The following SLC16A5 variants were observed in gnomAD, a reference collection of about 807,000 sequenced individuals.
The protein encoded by SLC16A5 is solute carrier family 16 member 5.
In SLC16A5, 29 loss-of-function variants were observed where a neutral mutation model predicts 33.2. That is an observed-to-expected ratio of 0.87 (90% CI 0.65 to 1.19). SLC16A5 has a LOEUF of 1.19. Among genes scored for constraint, SLC16A5 ranks in the 50% most tolerant of loss-of-function variants. The probability of loss-of-function intolerance (pLI) is 0.00; values close to 1 mark genes in which losing one functional copy is unlikely to be tolerated. For missense variants in SLC16A5, 606 were observed against 678.2 expected (o/e 0.89, Z 1.18); for synonymous variants, 248 against 284.1 (o/e 0.87, Z 1.28).
downstream of SLC16A5, among the ~76,000 whole-genome samples, chr17:75,107,316 G>C (rs527951554): frequency 2.6e-5 from 4 of 151,718 alleles, no homozygotes; most frequent in East Asian, 7.8e-4. Flanking sequence ...AAAAAAAAAA[G>C]GTATCAATGA....
intron 5 of SLC16A5, among the ~76,000 whole-genome samples, chr17:75,103,331 T>C (rs1340263047): frequency 2.3e-5 from 3 of 128,934 alleles, no homozygotes; most frequent in Admixed American, 8.0e-5. Context: ...TCCAAGGGAA[T>C]TCTTTTTTTT....
At chr17:75,093,134 T>G (rs2073665446) in intron 2 of SLC16A5, among the ~76,000 whole-genome samples, 1 of 152,098 alleles carries the variant, frequency 6.6e-6, no homozygotes, top group Non-Finnish European at 1.5e-5. Context: ...AAGTCTGTGT[T>G]TGTATGCAGG....
At position 75,096,496 on chromosome 17, in the gene SLC16A5, G is replaced by A. The variant is rs552563170; in HGVS notation, c.200-1542G>A. Among the ~76,000 whole-genome samples, 10 of 151,092 alleles carry A rather than the reference G, an allele frequency of 6.6e-5. 1 individual carries two copies. Among genetic ancestry groups the A allele is most frequent in the East Asian group, 3.9e-4 (2 of 5,154 alleles). ...CCAGCCTCTGCTTGATTATGTCTGC[G>A]ACGGGCTGCTCACTTAGTCTGTCAC... On this transcript the variant is annotated intron_variant, in intron 3 of 6. Transcript: ENST00000329783.
At chr17:75,102,439 G>A (rs2073811640) in intron 5 of SLC16A5, among the ~76,000 whole-genome samples, 1 of 152,310 alleles carries the variant, frequency 6.6e-6, no homozygotes, top group Middle Eastern at 3.4e-3. Flanking sequence ...TCCCCTGGGG[G>A]ATTACCTTCT....
rs756157919 is a variant in SLC16A5, at chr17:75,100,020, C to T, written c.357C>T (p.Cys119=). 2.5e-6 allele frequency: 4 copies of T among 1,610,882 alleles called. No individual in the cohort carries two copies. Among genetic ancestry groups the T allele is most frequent in the Admixed American group, 1.7e-5 (1 of 59,964 alleles). ...CTTGCCCCGCAGGCCTGGGCATGTG[C>T]TTCAGCTTCCAGTCAAGCATCACGG... The part of the protein sequence containing the change: ...TAGFITGLGM[C]FSFQSSITVL... The change falls in exon 5 of 7, where the codon TGC becomes TGT. Residue 119 remains cysteine, a synonymous_variant. Transcript: ENST00000329783.
At chr17:75,090,661 A>G (rs1419518985) in intron 2 of SLC16A5, among the ~76,000 whole-genome samples, 1 of 151,456 alleles carries the variant, frequency 6.6e-6, no homozygotes, top group East Asian at 2.0e-4. Flanking sequence ...GGGTTTCACT[A>G]TGTTGGCCAG....
Position 75,105,730 on chromosome 17 carries a change from T to C in SLC16A5, c.1365-150T>C, listed in dbSNP as rs562758281. 5.7e-6 allele frequency: 8 copies of C among 1,393,616 alleles called. No homozygotes were observed. In the African/African-American group the frequency reaches 7.3e-5, roughly 13 times the overall value. The allele number at this position is 1,393,616 out of a possible 1,614,324, so 86.3% of individuals were successfully genotyped here. On this transcript the variant is annotated intron_variant, in intron 6 of 6. Transcript: ENST00000329783. Reference sequence around the variant, plus strand: ...CATAAACTCTGTGAACTAATGAAGCTGACAAACAGAGCTGGAGTACGTTTC... The same window carrying C: ...CATAAACTCTGTGAACTAATGAAGCCGACAAACAGAGCTGGAGTACGTTTC...
chr17:75,100,400 T>C lies in SLC16A5; in HGVS notation c.737T>C (p.Met246Thr). ...TGYCVYILGVMWSVLGFPLPQ... is the reference protein window; with the variant it reads ...TGYCVYILGVTWSVLGFPLPQ... ...TACTGCGTGTACATACTGGGTGTGA[T>C]GTGGTCCGTCCTGGGCTTCCCACTG... Residue 246 changes from methionine (M) to threonine (T), a missense_variant, in exon 5 of 7, where the codon ATG (methionine) becomes ACG (threonine). Coordinates refer to ENST00000329783, the MANE Select transcript of SLC16A5 (RefSeq NM_004695.4). 6.2e-7 allele frequency: 1 copy of C among 1,614,250 alleles called. No homozygotes were observed. Among genetic ancestry groups the C allele is most frequent in the Non-Finnish European group, 8.5e-7 (1 of 1,180,046 alleles).
intron 2 of SLC16A5, chr17:75,093,330 C>A: frequency 7.3e-7 from 1 of 1,374,596 alleles, no homozygotes; most frequent in South Asian, 1.3e-5. Context: ...TGCCCTGCCC[C>A]GTCCTGTCCC....
chr17:75,108,584 CAGAG>C (rs1483490028), downstream of SLC16A5, among the ~76,000 whole-genome samples: 4 of 149,020 alleles, frequency 2.7e-5, no homozygotes, highest in African/African-American at 9.7e-5. Context: ...GCCTAAATAA[CAGAG>C]AGGCTCTCTC....
In SLC16A5 at chr17:75,099,933, C is replaced by T. The variant is rs1012314502; in HGVS notation, c.344-74C>T. 8.6e-6 allele frequency: 12 copies of T among 1,393,372 alleles called. No individual in the cohort carries two copies. The African/African-American group carries it at 1.4e-4, about 17-fold the overall frequency. 86.3% of individuals were successfully genotyped at this position (1,393,372 alleles called of 1,614,324 possible). A position where few individuals can be genotyped will look rare whatever the true frequency, so the allele number is the denominator to read the frequency against. On this transcript the variant is annotated intron_variant, in intron 4 of 6. Coordinates refer to ENST00000329783, the MANE Select transcript of SLC16A5 (RefSeq NM_004695.4). The stretch of plus-strand genomic sequence containing the variant: ...GAGGAGGGCAGGTGTGTGAAATGAC[C>T]ACTGACCCCACCCCTGGGTGCAGGT...
Position 75,100,073 on chromosome 17 carries a change from G to A in SLC16A5, c.410G>A (p.Arg137Gln), listed in dbSNP as rs138681504. ...CTGGGCTTCTACTTTGTCCGCCGGC[G>A]GGTGCTGGCCAACGCGCTGGCCTCG... ...TVLGFYFVRR[R>Q]VLANALASMG... Residue 137 changes from arginine (R) to glutamine (Q), a missense_variant, in exon 5 of 7, where the codon CGG (arginine) becomes CAG (glutamine). Coordinates refer to ENST00000329783, the MANE Select transcript of SLC16A5 (RefSeq NM_004695.4). 3.3e-4 allele frequency: 530 copies of A among 1,613,614 alleles called. 1 individual carries two copies. The highest frequency in any genetic ancestry group is 4.3e-4 in the Non-Finnish European group (509 of 1,179,996).
intron 3 of SLC16A5, among the ~76,000 whole-genome samples, chr17:75,096,182 T>C (rs1000429543): frequency 6.6e-6 from 1 of 151,826 alleles, no homozygotes; most frequent in Non-Finnish European, 1.5e-5. Context: ...TGCCCCTACC[T>C]ACGCCTTTTA....
rs763829540 is a variant in SLC16A5 at position 75,100,729 on chromosome 17, A to G, written c.1066A>G (p.Ile356Val). Reference sequence around the variant, plus strand: ...CCTCATCTTCCAGGTTCTCATGGACATCGTCCCCATGGATCAGTTCCCCAG... The same window carrying G: ...CCTCATCTTCCAGGTTCTCATGGACGTCGTCCCCATGGATCAGTTCCCCAG... ...GALIFQVLMD[I>V]VPMDQFPRAL... The change falls in exon 5 of 7, where the codon ATC becomes GTC. Residue 356 changes from isoleucine to valine, a missense_variant. Ile to Val is a conservative substitution (Grantham distance 29). Transcript: ENST00000329783. The G allele has an allele frequency of 2.2e-5, 35 of 1,614,004 alleles. No individual in the cohort carries two copies. The East Asian group carries it at 4.5e-4, about 21-fold the overall frequency.
chr17:75,088,402 C>T (rs899946524), intron 1 of SLC16A5, among the ~76,000 whole-genome samples: 3 of 152,204 alleles, frequency 2.0e-5, no homozygotes, highest in African/African-American at 7.2e-5. Context: ...GAGAGTACGG[C>T]ATGAGGTCCC....
chr17:75,100,098 G>A lies in SLC16A5; in HGVS notation c.435G>A (p.Ser145=), dbSNP rs780113857. ...RRRVLANALA[S]MGVSLGITLW... ...GGGTGCTGGCCAACGCGCTGGCCTCGATGGGCGTCTCCCTGGGCATCACCC... is the reference window on the plus strand; with the variant it reads ...GGGTGCTGGCCAACGCGCTGGCCTCAATGGGCGTCTCCCTGGGCATCACCC... Residue 145 remains serine, a synonymous_variant, in exon 5 of 7, where the codon TCG becomes TCA. Coordinates refer to ENST00000329783, the MANE Select transcript of SLC16A5 (RefSeq NM_004695.4). 5.7e-5 allele frequency: 92 copies of A among 1,613,906 alleles called. No homozygotes were observed. The highest frequency in any genetic ancestry group is 1.6e-4 in the Middle Eastern group (1 of 6,084).
At chr17:75,097,970 C>T (rs2073741626) in intron 3 of SLC16A5, 68 bp from the exon 4 acceptor site, 1 of 1,499,074 alleles carries the variant, frequency 6.7e-7, no homozygotes, top group African/African-American at 1.7e-5. Context: ...CTGCCCTCTC[C>T]AGCCACTCTC....
intron 6 of SLC16A5, 192 bp from the exon 7 acceptor site, chr17:75,105,688 T>C: frequency 6.1e-6 from 6 of 985,400 alleles, no homozygotes; most frequent in Non-Finnish European, 7.2e-6. Context: ...CACACAAAAA[T>C]GTTCCCTGCA....
intron 5 of SLC16A5, among the ~76,000 whole-genome samples, chr17:75,101,907 T>C (rs564000981): frequency 1.4e-3 from 206 of 152,192 alleles, no homozygotes; most frequent in African/African-American, 4.8e-3. Flanking sequence ...AGTGCTGGGA[T>C]TACAGGTGTG....
Sources: gnomAD v4.1 joint callset for allele counts (sites outside exome capture counted in the v4.1 genomes callset) on GRCh38, gnomAD v4.1.1 for gene constraint, MANE v1.5 for transcripts, NCBI Gene and HGNC (gene_info 2026-07-23, HGNC 2026-07-21) for gene names.